The following SAMMSON variants were observed in gnomAD, a reference collection of about 807,000 sequenced individuals.
SAMMSON encodes the protein survival associated mitochondrial melanoma specific oncogenic non-coding RNA.
chr3:70,010,743 A>G (rs1206742576), intron 1 of SAMMSON, among the ~76,000 whole-genome samples: 2 of 152,276 alleles, frequency 1.3e-5, no homozygotes, highest in Non-Finnish European at 2.9e-5. Context: ...AAGAGGCTTA[A>G]TTGACTCACA....
chr3:70,171,660 T>A (rs1700955749), intron 4 of SAMMSON, among the ~76,000 whole-genome samples: 2 of 152,036 alleles, frequency 1.3e-5, no homozygotes, highest in Admixed American at 1.3e-4. Context: ...ATATGAATTA[T>A]CTTCATTAAT....
chr3:70,124,836 AAAAG>A (rs2067449498), intron 4 of SAMMSON, among the ~76,000 whole-genome samples: 5 of 148,896 alleles, frequency 3.4e-5, no homozygotes, highest in African/African-American at 7.5e-5. Context: ...AAAAAAAAAA[AAAAG>A]AAAGAAAGAA....
intron 2 of SAMMSON, among the ~76,000 whole-genome samples, chr3:70,427,474 T>G (rs1271952443): frequency 6.6e-6 from 1 of 152,132 alleles, no homozygotes; most frequent in Non-Finnish European, 1.5e-5. Flanking sequence ...GCGCGGTGGC[T>G]CACGCCTGTA....
chr3:70,267,753 G>T (rs925475986), intron 6 of SAMMSON, among the ~76,000 whole-genome samples: 2 of 151,968 alleles, frequency 1.3e-5, no homozygotes, highest in Non-Finnish European at 2.9e-5. Flanking sequence ...CACAGTAAAA[G>T]ATTTCAGATA....
chr3:70,147,397 A>G (rs1047176557), intron 4 of SAMMSON, among the ~76,000 whole-genome samples: 2 of 152,074 alleles, frequency 1.3e-5, no homozygotes, highest in African/African-American at 4.8e-5. Flanking sequence ...CAGAAGAATC[A>G]ATCTACTCAA....
chr3:70,347,010 C>T lies in SAMMSON; in HGVS notation n.740-7165C>T, dbSNP rs568009472. Among the ~76,000 whole-genome samples, 46 of 152,206 alleles carry T rather than the reference C, an allele frequency of 3.0e-4. No individual in the cohort carries two copies. The South Asian group carries it at 9.3e-3, about 31-fold the overall frequency. On this transcript the variant is annotated intron_variant and non_coding_transcript_variant, in intron 7 of 9. Coordinates refer to ENST00000642114, the Ensembl canonical transcript of SAMMSON. Reference sequence around the variant, plus strand: ...TTACCCACTGATGATATATTGATTACAGATCTTAGCAGAAGAGAAATAGAG... The same window carrying T: ...TTACCCACTGATGATATATTGATTATAGATCTTAGCAGAAGAGAAATAGAG...
intron 7 of SAMMSON, among the ~76,000 whole-genome samples, chr3:70,348,801 G>C (rs951855716): frequency 1.3e-5 from 2 of 152,100 alleles, no homozygotes; most frequent in African/African-American, 4.8e-5. Flanking sequence ...TAAAAGAACT[G>C]TGTTTTTTTT....
intron 4 of SAMMSON, among the ~76,000 whole-genome samples, chr3:70,086,084 C>A (rs2067284625): frequency 6.6e-6 from 1 of 152,144 alleles, no homozygotes; most frequent in Admixed American, 6.5e-5. Flanking sequence ...TTAAAAAATT[C>A]TTATTGGATG....
At chr3:70,295,362 A>G (rs1702279477) in intron 7 of SAMMSON, among the ~76,000 whole-genome samples, 1 of 152,152 alleles carries the variant, frequency 6.6e-6, no homozygotes, top group South Asian at 2.1e-4. Context: ...GGTATGTGTG[A>G]TTCCAAAAAC....
chr3:70,404,361 G>A (rs1701163718), intron 2 of SAMMSON, among the ~76,000 whole-genome samples: 1 of 152,094 alleles, frequency 6.6e-6, no homozygotes, highest in South Asian at 2.1e-4. Context: ...AACATTAATG[G>A]ACATTATATT....
intron 7 of SAMMSON, among the ~76,000 whole-genome samples, chr3:70,294,901 G>A (rs28483404): frequency 6.6e-6 from 1 of 151,890 alleles, no homozygotes; most frequent in South Asian, 2.1e-4. Context: ...CATCTTAAAG[G>A]AGCCAATGAT....
intron 4 of SAMMSON, among the ~76,000 whole-genome samples, chr3:70,244,721 C>A (rs1294411589): frequency 1.3e-5 from 2 of 152,164 alleles, no homozygotes; most frequent in East Asian, 3.9e-4. Flanking sequence ...CAGGCTGAAT[C>A]ATTATGCTCT....
rs572401253 is a variant in SAMMSON, at chr3:70,098,690, C to T, written n.507+27125C>T. On this transcript the variant is annotated intron_variant and non_coding_transcript_variant, in intron 4 of 9. Coordinates refer to ENST00000642114, the Ensembl canonical transcript of SAMMSON. The stretch of plus-strand genomic sequence containing the variant: ...CCTCTTTTTCATTTCTAAAATTTTA[C>T]TTTGAAGTATAAAGTGTACAAAAAG... 3.9e-5 allele frequency among the ~76,000 whole-genome samples: 6 copies of T among 152,160 alleles called. No homozygotes were observed. In the South Asian group the frequency reaches 1.2e-3, roughly 32 times the overall value.
intron 4 of SAMMSON, among the ~76,000 whole-genome samples, chr3:70,134,327 C>T (rs751125307): frequency 2.0e-5 from 3 of 147,550 alleles, no homozygotes; most frequent in African/African-American, 5.0e-5. Flanking sequence ...GTTCCTGATA[C>T]ATAGAAAGTA....
intron 1 of SAMMSON, among the ~76,000 whole-genome samples, chr3:70,003,266 G>C (rs1169860982): frequency 1.3e-5 from 2 of 151,780 alleles, no homozygotes; most frequent in Non-Finnish European, 2.9e-5. Context: ...GGTTTGTTTT[G>C]TTTTGTTTTT....
rs551078298 is a variant in SAMMSON, at chr3:70,235,910, G to A, written n.508-13197G>A. 6.6e-5 allele frequency among the ~76,000 whole-genome samples: 10 copies of A among 152,150 alleles called. No individual in the cohort carries two copies. The East Asian group carries it at 9.7e-4, about 15-fold the overall frequency. On this transcript the variant is annotated intron_variant and non_coding_transcript_variant, in intron 4 of 9. Transcript: ENST00000642114. ...TGTTCATATTAGTGGTTCAATGGAC[G>A]TAAGCTTCCTATGGGCAGTCACCAC...
intron 3 of SAMMSON, among the ~76,000 whole-genome samples, chr3:70,029,752 CAAAA>C (rs5849936): frequency 6.3e-5 from 5 of 78,862 alleles, no homozygotes; most frequent in African/African-American, 1.8e-4. Flanking sequence ...AAGACTCTGT[CAAAA>C]AAAAAAAAAA....
At chr3:70,100,882 C>A (rs544910671) in intron 4 of SAMMSON, among the ~76,000 whole-genome samples, 110 of 152,218 alleles carry the variant, frequency 7.2e-4, no homozygotes. Flanking sequence ...TTTATCAGTT[C>A]CTTGTTAGAT....
At chr3:70,412,853 GC>G (rs942794578) in intron 2 of SAMMSON, among the ~76,000 whole-genome samples, 26 of 152,198 alleles carry the variant, frequency 1.7e-4, no homozygotes, top group African/African-American at 6.0e-4. Context: ...AAGTCTGTCA[GC>G]GATTACAATA....
Sources: allele counts gnomAD v4.1 joint callset (sites outside exome capture counted in the v4.1 genomes callset), GRCh38; gene constraint gnomAD v4.1.1; transcripts MANE v1.5; gene names NCBI Gene and HGNC (gene_info 2026-07-23, HGNC 2026-07-21).